PTCRA: variants seen among roughly 807,000 people sequenced by gnomAD.
PTCRA encodes pre T cell antigen receptor alpha.
In PTCRA, 9 loss-of-function variants were observed where a neutral mutation model predicts 13.4. The observed-to-expected ratio is 0.67, with a 90% CI of 0.41 to 1.18. PTCRA has a LOEUF of 1.18. Ranked by LOEUF, PTCRA falls within the 50% of genes most tolerant of loss-of-function variation. The pLI is 0.01. For synonymous variants in PTCRA, 153 were observed against 161.9 expected, an observed-to-expected ratio of 0.94 and a Z score of 0.42; for missense variants, 353 against 359.8, an observed-to-expected ratio of 0.98 and a Z score of 0.15.
chr6:42,925,315 TG>T lies in PTCRA; in HGVS notation c.480del (p.Leu161CysfsTer7). 1 of 1,586,408 alleles carries T rather than the reference TG, an allele frequency of 6.3e-7. No individual in the cohort carries two copies. Reference protein sequence around the residue: ...LGVLRLLLFKLLLFDLLLTCS... With the variant: ...LGVLRLLLFKXLLFDLLLTCS... The stretch of plus-strand genomic sequence containing the variant: ...GTCCTGCGGCTGCTGCTCTTCAAGC[TG>T]CTGCTGTTTGACCTGCTCCTGACCT... On this transcript the variant is annotated frameshift_variant, in exon 4 of 4. Coordinates refer to ENST00000304672, the MANE Select transcript of PTCRA (RefSeq NM_138296.3). LOFTEE classifies it low-confidence loss of function (END_TRUNC). The surrounding 1 kb of genome is among the most constrained non-coding windows in gnomAD (Gnocchi z 4.4).
rs569514299 is a variant in PTCRA at position 42,920,491 on chromosome 6, C to A, written c.59-2536C>A. Among the ~76,000 whole-genome samples, 279 of 151,176 alleles carry A rather than the reference C, an allele frequency of 1.8e-3. 2 individuals are homozygous for A. Among genetic ancestry groups the A allele is most frequent in the African/African-American group, 6.5e-3 (268 of 41,260 alleles). ...CCAGGCTGGAGTGCAGTGGCGCGAT[C>A]TTGGCTCACTGCGAGCTCCGCCTCC... On this transcript the variant is annotated intron_variant, in intron 1 of 3. Coordinates refer to ENST00000304672, the MANE Select transcript of PTCRA (RefSeq NM_138296.3).
intron 1 of PTCRA, among the ~76,000 whole-genome samples, chr6:42,917,527 T>C (rs1200898966): frequency 4.5e-5 from 2 of 44,114 alleles, no homozygotes; most frequent in Admixed American, 3.8e-4. Flanking sequence ...CAGCCCGTTA[T>C]ATTATTATTA....
intron 3 of PTCRA, among the ~76,000 whole-genome samples, chr6:42,924,673 C>A (rs1562530389): frequency 6.6e-6 from 1 of 152,044 alleles, no homozygotes; most frequent in African/African-American, 2.4e-5. Flanking sequence ...TGCTTCCCGA[C>A]CAAATAGAGA....
chr6:42,925,714 G>A lies in PTCRA; in HGVS notation c.*32G>A. The A allele has an allele frequency of 7.0e-7, 1 of 1,421,270 alleles. No homozygotes were observed. Among genetic ancestry groups the A allele is most frequent in the Non-Finnish European group, 9.4e-7 (1 of 1,059,724 alleles). 88.0% of individuals were successfully genotyped at this position (1,421,270 alleles called of 1,614,324 possible). A position where few individuals can be genotyped will look rare whatever the true frequency, so the allele number is the denominator to read the frequency against. ...GGCTCTACCTCCCCTGCGTCACACT[G>A]TGTGAGGCTGTGTCTCTGCCATCCA... is the stretch of plus-strand genomic sequence containing the variant. On this transcript the variant is annotated 3_prime_UTR_variant, in exon 4 of 4. Transcript: ENST00000304672. The surrounding 1 kb of genome is among the most constrained non-coding windows in gnomAD (Gnocchi z 4.4).
chr6:42,920,277 G>A (rs1481487057), intron 1 of PTCRA, among the ~76,000 whole-genome samples: 1 of 150,838 alleles, frequency 6.6e-6, no homozygotes, highest in African/African-American at 2.4e-5. Flanking sequence ...CCGAGATCGC[G>A]CCACTGCACT....
chr6:42,917,061 CCTTT>C (rs1292193567), intron 1 of PTCRA, among the ~76,000 whole-genome samples: 14 of 152,154 alleles, frequency 9.2e-5, no homozygotes, highest in South Asian at 6.2e-4. Flanking sequence ...TTCTCTACTA[CCTTT>C]GTTTGCAATG....
At position 42,918,560 on chromosome 6, in the gene PTCRA, T is replaced by A. The variant is rs112017967; in HGVS notation, c.58+2433T>A. On this transcript the variant is annotated intron_variant, in intron 1 of 3. Coordinates refer to ENST00000304672, the MANE Select transcript of PTCRA (RefSeq NM_138296.3). ...ACAGAGTGAGACTCCATCTCAAAAATAATAATAATAATAATAATGAAATAA... is the reference window on the plus strand; with the variant it reads ...ACAGAGTGAGACTCCATCTCAAAAAAAATAATAATAATAATAATGAAATAA... 5.7e-3 allele frequency among the ~76,000 whole-genome samples: 865 copies of A among 151,120 alleles called. 12 individuals carry two copies. Among genetic ancestry groups the A allele is most frequent in the African/African-American group, 0.02 (810 of 41,264 alleles).
rs1767320282 is a variant in PTCRA at position 42,924,253 on chromosome 6, GC to G, written c.409del (p.Gln137ArgfsTer31). 1 of 1,611,828 alleles carries G rather than the reference GC, an allele frequency of 6.2e-7. No homozygotes were observed. The highest frequency in any genetic ancestry group is 8.5e-7 in the Non-Finnish European group (1 of 1,179,246). ...GGAGAGGCTTCTACAGCCAGGACCTGCCCCCAGGAGCCTCTCAGGGGTGAGT... is the reference window on the plus strand; with the variant it reads ...GGAGAGGCTTCTACAGCCAGGACCTGCCCCAGGAGCCTCTCAGGGGTGAGT... ...LSGEASTART[C>X]PQEPLRGTPG... On this transcript the variant is annotated frameshift_variant, in exon 3 of 4. Transcript: ENST00000304672. LOFTEE classifies it low-confidence loss of function (END_TRUNC).
chr6:42,922,694 C>A (rs1459728939), intron 1 of PTCRA, among the ~76,000 whole-genome samples: 2 of 150,302 alleles, frequency 1.3e-5, no homozygotes. Context: ...GAGCTGAGAT[C>A]GCGCCACTGC....
chr6:42,925,396 G>A lies in PTCRA; in HGVS notation c.560G>A (p.Arg187His), dbSNP rs1049131901. The A allele has an allele frequency of 8.4e-6, 13 of 1,554,058 alleles. No individual in the cohort carries two copies. Among genetic ancestry groups the A allele is most frequent in the South Asian group, 1.2e-5 (1 of 84,550 alleles). Residue 187 changes from arginine to histidine, a missense_variant, in exon 4 of 4, where the codon CGC (arginine) becomes CAC (histidine). Physicochemically the swap from Arg to His is conservative, Grantham distance 29. Coordinates refer to ENST00000304672, the MANE Select transcript of PTCRA (RefSeq NM_138296.3). This position sits in a 1 kb window ranked among gnomAD's most constrained non-coding sequence, Gnocchi z 4.4. ...CTGCCTTCCCCCGCAACCACCACCC[G>A]CCTGCGAGCCCTCGGCTCCCATCGA... is the stretch of plus-strand genomic sequence containing the variant. ...GPLPSPATTT[R>H]LRALGSHRLH...
At position 42,925,470 on chromosome 6, in the gene PTCRA, A is replaced by C. The variant is rs957676502; in HGVS notation, c.634A>C (p.Arg212=). The C allele has an allele frequency of 1.7e-5, 26 of 1,556,956 alleles. No individual in the cohort carries two copies. Among genetic ancestry groups the C allele is most frequent in the Non-Finnish European group, 2.2e-5 (25 of 1,149,814 alleles). Residue 212 remains arginine (R), a synonymous_variant, in exon 4 of 4, where the codon AGA becomes CGA. Coordinates refer to ENST00000304672, the MANE Select transcript of PTCRA (RefSeq NM_138296.3). The surrounding 1 kb of genome is among the most constrained non-coding windows in gnomAD (Gnocchi z 4.4). The stretch of plus-strand genomic sequence containing the variant: ...GGGACGAGAGGCCACCAGCTCACCC[A>C]GACCCCAGCCTCGGGACCGCCGCTG... ...TGGREATSSP[R]PQPRDRRWGD...
chr6:42,923,525 G>A (rs965421999), intron 2 of PTCRA, among the ~76,000 whole-genome samples, 178 bp downstream of exon 2: 4 of 152,200 alleles, frequency 2.6e-5, no homozygotes, highest in Admixed American at 2.6e-4. Context: ...ATGAATTTTG[G>A]GATTTGCCAC....
intron 2 of PTCRA, 118 bp from the exon 3 acceptor site, chr6:42,924,111 A>G: frequency 1.2e-6 from 1 of 843,986 alleles, no homozygotes; most frequent in East Asian, 2.8e-5. Context: ...TCACTTGTCC[A>G]TTTACCCCAA....
At chr6:42,918,683 C>T (rs1190921552) in intron 1 of PTCRA, among the ~76,000 whole-genome samples, 1 of 152,040 alleles carries the variant, frequency 6.6e-6, no homozygotes, top group Non-Finnish European at 1.5e-5. Flanking sequence ...ATGGCAAAAT[C>T]TTAGTCATCC....
chr6:42,922,787 T>G (rs1005156966), intron 1 of PTCRA, among the ~76,000 whole-genome samples: 1 of 148,848 alleles, frequency 6.7e-6, no homozygotes, highest in African/African-American at 2.5e-5. Flanking sequence ...AGATGGCTGA[T>G]AGAAGAAAGG....
At position 42,925,580 on chromosome 6, in the gene PTCRA, A is replaced by G. The variant is rs1234921788; in HGVS notation, c.744A>G (p.Ala248=). The change falls in exon 4 of 4, where the codon GCA becomes GCG. Residue 248 remains alanine (A), a synonymous_variant. Coordinates refer to ENST00000304672, the MANE Select transcript of PTCRA (RefSeq NM_138296.3). The surrounding 1 kb of genome is among the most constrained non-coding windows in gnomAD (Gnocchi z 4.4). ...SYLSSYPTCP[A]QAWCSRSALR... is the part of the protein sequence containing the mutation. ...TCAGCAGTTACCCCACTTGCCCAGC[A>G]CAGGCCTGGTGCTCAAGATCTGCCC... 6.9e-6 allele frequency: 11 copies of G among 1,602,856 alleles called. No homozygotes were observed. Among genetic ancestry groups the G allele is most frequent in the Non-Finnish European group, 9.4e-6 (11 of 1,174,210 alleles).
chr6:42,923,375 A>T, intron 2 of PTCRA, 28 bp downstream of exon 2: 1 of 1,602,980 alleles, frequency 6.2e-7, no homozygotes. Context: ...GCCCTTGCGG[A>T]TGCTCCCTGT....
chr6:42,922,327 G>A lies in PTCRA; in HGVS notation c.59-700G>A, dbSNP rs1767212655. 4.2e-5 allele frequency: 29 copies of A among 692,518 alleles called. 1 individual carries two copies. In the South Asian group the frequency reaches 4.5e-4, roughly 11 times the overall value. 42.9% of individuals were successfully genotyped at this position (692,518 alleles called of 1,614,324 possible). ...TGGAACTGAGTTCCTTGAGAGCAGG[G>A]ACAATGACTTACCCAATGTTGTATC... is the stretch of plus-strand genomic sequence containing the variant. On this transcript the variant is annotated intron_variant, in intron 1 of 3. Coordinates refer to ENST00000304672, the MANE Select transcript of PTCRA (RefSeq NM_138296.3).
chr6:42,921,840 C>A (rs576466074), intron 1 of PTCRA, among the ~76,000 whole-genome samples: 1 of 150,688 alleles, frequency 6.6e-6, no homozygotes, highest in Admixed American at 6.6e-5. Flanking sequence ...CAGAGACCAG[C>A]CTGACCAACA....
Sources: gnomAD v4.1 joint callset for allele counts (sites outside exome capture counted in the v4.1 genomes callset) on GRCh38, gnomAD v4.1.1 for gene constraint, Gnocchi (gnomAD v3.1) non-coding constraint, MANE v1.5 for transcripts, NCBI Gene and HGNC (gene_info 2026-07-23, HGNC 2026-07-21) for gene names.